Variants in SLC17A2 observed in about 807,000 individuals in gnomAD.
SLC17A2 encodes sodium-dependent phosphate transport protein 3.
Under a neutral mutation model 52.1 loss-of-function variants are expected in SLC17A2, and 38 were observed. The observed-to-expected ratio is 0.73, with a 90% confidence interval of 0.56 to 0.96. The LOEUF (loss-of-function observed/expected upper bound fraction) is 0.96, where lower values mean the gene tolerates loss of function less well. SLC17A2 is among the 40% of genes least tolerant of loss of function. The pLI is 0.00. For missense variants in SLC17A2, 508 were observed against 583.9 expected, an observed-to-expected ratio of 0.87 and a Z score of 1.34; for synonymous variants, 226 against 211.9, an observed-to-expected ratio of 1.07 and a Z score of -0.58.
chr6:25,914,225 A>G (rs1766213500), intron 11 of SLC17A2, among the ~76,000 whole-genome samples: 1 of 152,126 alleles, frequency 6.6e-6, no homozygotes, highest in Non-Finnish European at 1.5e-5. Context: ...TAGTCTGAAC[A>G]TATTCTTCAT....
Position 25,925,800 on chromosome 6 carries a change from G to A in SLC17A2, c.-4C>T. On this transcript the variant is annotated 5_prime_UTR_variant, in exon 2 of 12. Transcript: ENST00000377850. ...TGGTGGCAGGCTTCCCGTCCATTTA[G>A]CTTCTGTGGGAAATGGTACCACGCT... The A allele has an allele frequency of 6.2e-7, 1 of 1,614,112 alleles. No homozygotes were observed. The highest frequency in any genetic ancestry group is 8.5e-7 in the Non-Finnish European group (1 of 1,179,922).
Position 25,913,335 on chromosome 6 carries a change from C to T in SLC17A2, c.1419G>A (p.Arg473=). 2 of 1,614,104 alleles carry T rather than the reference C, an allele frequency of 1.2e-6. No homozygotes were observed. The highest frequency in any genetic ancestry group is 1.7e-6 in the Non-Finnish European group (2 of 1,179,996). ...TATGTCCTCAGAGGCGGGTAAGGGT[C>T]CTCTCTTTGGCCCAGTCTTGAAGTT... ...QAELQDWAKE[R]TLTRL is the part of the protein sequence containing the mutation. Residue 473 remains arginine (R), a synonymous_variant, in exon 12 of 12, where the codon AGG becomes AGA. Coordinates refer to ENST00000377850, the MANE Select transcript of SLC17A2 (RefSeq NM_001286123.3).
rs1438104259 is a variant in SLC17A2 at position 25,925,886 on chromosome 6, A to G, written c.-83-7T>C. The G allele has an allele frequency of 7.8e-7, 1 of 1,280,334 alleles. No homozygotes were observed. Among genetic ancestry groups the G allele is most frequent in the Admixed American group, 1.7e-5 (1 of 59,520 alleles). 79.3% of individuals were successfully genotyped at this position (1,280,334 alleles called of 1,614,324 possible). ...TACTACGACAGTCTTTTATCTATGG[A>G]GAGAACATAATCCAAAACATAATAC... On this transcript the variant is annotated splice_polypyrimidine_tract_variant and splice_region_variant and intron_variant, in intron 1 of 11. Transcript: ENST00000377850.
intron 11 of SLC17A2, among the ~76,000 whole-genome samples, 156 bp from the exon 12 acceptor site, chr6:25,913,607 C>T (rs1766184916): frequency 6.6e-6 from 1 of 152,138 alleles, no homozygotes; most frequent in Admixed American, 6.5e-5. Flanking sequence ...CTATTGGAAA[C>T]AAAATGGCCA....
At chr6:25,914,814 C>A in intron 10 of SLC17A2, 144 bp from the exon 11 acceptor site, 2 of 605,142 alleles carry the variant, frequency 3.3e-6, no homozygotes, top group East Asian at 2.8e-5. Context: ...ACATTCAGGG[C>A]AATGTCTATT....
intron 8 of SLC17A2, among the ~76,000 whole-genome samples, chr6:25,916,266 A>G (rs1458640795): frequency 6.6e-6 from 1 of 152,118 alleles, no homozygotes; most frequent in Non-Finnish European, 1.5e-5. Flanking sequence ...TTTTTAGTAG[A>G]TGATATTTAG....
chr6:25,926,446 A>G (rs10484431), intron 1 of SLC17A2, among the ~76,000 whole-genome samples: 26,687 of 152,218 alleles, frequency 0.18, 2,963 homozygotes, highest in Non-Finnish European at 0.25. Context: ...TGCTACACAC[A>G]ATGTGGACAC....
At chr6:25,926,019 T>C (rs1159471851) in intron 1 of SLC17A2, 140 bp from the exon 2 acceptor site, 2 of 602,138 alleles carry the variant, frequency 3.3e-6, no homozygotes, top group African/African-American at 3.7e-5. Context: ...GGTATGCTTT[T>C]GGTTACAGGA....
intron 1 of SLC17A2, among the ~76,000 whole-genome samples, chr6:25,928,102 A>G (rs1321288617): frequency 1.3e-5 from 2 of 152,070 alleles, no homozygotes; most frequent in East Asian, 3.9e-4. Context: ...CTCTGGCCCA[A>G]CTGTTTATTT....
intron 5 of SLC17A2, among the ~76,000 whole-genome samples, chr6:25,919,625 G>T (rs895763494): frequency 6.8e-5 from 10 of 146,380 alleles, no homozygotes; most frequent in Non-Finnish European, 1.2e-4. Context: ...GCGTGAACCC[G>T]GGAGGCGGAG....
At chr6:25,915,892 A>G (rs1196168152) in intron 8 of SLC17A2, 24 bp from the exon 9 acceptor site, 2 of 1,609,328 alleles carry the variant, frequency 1.2e-6, no homozygotes, top group Non-Finnish European at 1.7e-6. Context: ...GTTTATACAG[A>G]GTAGTTATAG....
intron 8 of SLC17A2, 102 bp from the exon 9 acceptor site, chr6:25,915,970 G>T: frequency 9.2e-7 from 1 of 1,090,058 alleles, no homozygotes; most frequent in Non-Finnish European, 1.3e-6. Context: ...TGATACTGTG[G>T]GTTGTTTGGG....
Position 25,921,361 on chromosome 6 carries a change from T to C in SLC17A2, c.292A>G (p.Ile98Val), listed in dbSNP as rs373681131. The C allele has an allele frequency of 8.1e-6, 13 of 1,614,076 alleles. No individual in the cohort carries two copies. The African/African-American group carries it at 1.5e-4, about 18-fold the overall frequency. Residue 98 changes from isoleucine (I) to valine (V), a missense_variant, in exon 4 of 12, where the codon ATC (isoleucine) becomes GTC (valine). Ile to Val is a conservative substitution (Grantham distance 29). Transcript: ENST00000377850. ...AGAGTCAGTATTATCCCATAGTTGATGGAGCTAAAGATGATACCCTGAGTT... is the reference window on the plus strand; with the variant it reads ...AGAGTCAGTATTATCCCATAGTTGACGGAGCTAAAGATGATACCCTGAGTT... ...PETQGIIFSSINYGIILTLIP... is the reference protein window; with the variant it reads ...PETQGIIFSSVNYGIILTLIP...
chr6:25,927,448 C>G (rs2151560440), intron 1 of SLC17A2, among the ~76,000 whole-genome samples: 1 of 152,300 alleles, frequency 6.6e-6, no homozygotes, highest in South Asian at 2.1e-4. Context: ...GGAATAGAAA[C>G]TGATTCACAC....
At position 25,925,857 on chromosome 6, in the gene SLC17A2, CT is replaced by C; in HGVS notation, c.-62del. On this transcript the variant is annotated 5_prime_UTR_variant, in exon 2 of 12. Transcript: ENST00000377850. The stretch of plus-strand genomic sequence containing the variant: ...TGGAGTTTCCCTGTGCCCTGAATCT[CT>C]TTTACTACGACAGTCTTTTATCTAT... 1.3e-6 allele frequency: 2 copies of C among 1,503,166 alleles called. No homozygotes were observed. The highest frequency in any genetic ancestry group is 1.9e-6 in the Non-Finnish European group (2 of 1,078,836). The allele number at this position is 1,503,166 out of a possible 1,614,324, so 93.1% of individuals were successfully genotyped here. A position where few individuals can be genotyped will look rare whatever the true frequency, so the allele number is the denominator to read the frequency against.
intron 6 of SLC17A2, among the ~76,000 whole-genome samples, 172 bp from the exon 7 acceptor site, chr6:25,917,259 A>G (rs1298630328): frequency 6.6e-6 from 1 of 152,222 alleles, no homozygotes; most frequent in Non-Finnish European, 1.5e-5. Context: ...AAACCTGTTA[A>G]AGCTTTTTAG....
rs1357731173 is a variant in SLC17A2 at position 25,925,858 on chromosome 6, T to C, written c.-62A>G. On this transcript the variant is annotated 5_prime_UTR_variant, in exon 2 of 12. Coordinates refer to ENST00000377850, the MANE Select transcript of SLC17A2 (RefSeq NM_001286123.3). Reference sequence around the variant, plus strand: ...GGAGTTTCCCTGTGCCCTGAATCTCTTTTACTACGACAGTCTTTTATCTAT... The same window carrying C: ...GGAGTTTCCCTGTGCCCTGAATCTCCTTTACTACGACAGTCTTTTATCTAT... The C allele has an allele frequency of 1.1e-5, 17 of 1,493,002 alleles. No individual in the cohort carries two copies. The highest frequency in any genetic ancestry group is 1.6e-5 in the Non-Finnish European group (17 of 1,069,634). The allele number at this position is 1,493,002 out of a possible 1,614,324, so 92.5% of individuals were successfully genotyped here. A position where few individuals can be genotyped will look rare whatever the true frequency, so the allele number is the denominator to read the frequency against.
chr6:25,929,706 T>C (rs1371457142), intron 1 of SLC17A2, among the ~76,000 whole-genome samples: 4 of 152,310 alleles, frequency 2.6e-5, no homozygotes, highest in African/African-American at 7.2e-5. Flanking sequence ...TTCTTAGCTG[T>C]ACAATGAGGG....
In SLC17A2 at chr6:25,913,375, G is replaced by T; in HGVS notation, c.1379C>A (p.Thr460Lys). Residue 460 changes from threonine (T) to lysine (K), a missense_variant, in exon 12 of 12, where the codon ACG becomes AAG. Thr to Lys is a moderately conservative substitution (Grantham distance 78, BLOSUM62 -1). Coordinates refer to ENST00000377850, the MANE Select transcript of SLC17A2 (RefSeq NM_001286123.3). ...GTCTTGAAGTTCTGCTTGTCCAAAC[G>T]TGAGGTAAAAGACCAGGCCAAACAT... ...VNMFGLVFYL[T>K]FGQAELQDWA... 2 of 1,614,006 alleles carry T rather than the reference G, an allele frequency of 1.2e-6. No homozygotes were observed. Among genetic ancestry groups the T allele is most frequent in the Non-Finnish European group, 1.7e-6 (2 of 1,179,912 alleles).
Sources: gnomAD v4.1 joint callset for allele counts (sites outside exome capture counted in the v4.1 genomes callset) on GRCh38, gnomAD v4.1.1 for gene constraint, MANE v1.5 for transcripts, NCBI Gene and HGNC (gene_info 2026-07-23, HGNC 2026-07-21) for gene names.